The following RAPGEF6 variants were observed in gnomAD, a reference collection of about 807,000 sequenced individuals.
The protein encoded by RAPGEF6 is Rap guanine nucleotide exchange factor 6.
RAPGEF6 carries 56 observed loss-of-function variants against 171.4 expected under a neutral mutation model. That is an observed-to-expected ratio of 0.33 (90% CI 0.26 to 0.41). The LOEUF (loss-of-function observed/expected upper bound fraction) is 0.41. RAPGEF6 is among the 10% of genes least tolerant of loss of function. The pLI, the probability that RAPGEF6 is intolerant of heterozygous loss-of-function variation, is 1.00. For synonymous variants in RAPGEF6, 692 were observed against 650.1 expected (o/e 1.06, Z -0.98); for missense variants, 1,674 against 1,921.4 (o/e 0.87, Z 2.41).
intron 4 of RAPGEF6, among the ~76,000 whole-genome samples, chr5:131,578,565 C>G (rs2149988434): frequency 6.6e-6 from 1 of 152,260 alleles, no homozygotes; most frequent in South Asian, 2.1e-4. Flanking sequence ...CTCCTTATGT[C>G]AATTCCATCC....
chr5:131,606,054 GA>G (rs796464249), intron 1 of RAPGEF6, among the ~76,000 whole-genome samples: 96 of 119,652 alleles, frequency 8.0e-4, no homozygotes, highest in African/African-American at 3.4e-3. Flanking sequence ...AAAAAAAAAA[GA>G]AAAAGAAAAG....
Position 131,431,304 on chromosome 5 carries a change from T to G in RAPGEF6, c.4020A>C (p.Ser1340=), listed in dbSNP as rs368658865. 6.2e-7 allele frequency: 1 copy of G among 1,612,952 alleles called. No homozygotes were observed. The highest frequency in any genetic ancestry group is 8.5e-7 in the Non-Finnish European group (1 of 1,178,908). ...AAATCTCTTCATTGCTCACAGACGA[T>G]GAGACAGCTAAACACTTGATTAGAG... ...KPSLIKCLAV[S]SSVSNEEISQ... The change falls in exon 26 of 28, where the codon TCA becomes TCC. Residue 1340 remains serine (S), a synonymous_variant. Transcript: ENST00000509018.
At chr5:131,582,327 G>A (rs922936261) in intron 4 of RAPGEF6, among the ~76,000 whole-genome samples, 1 of 152,182 alleles carries the variant, frequency 6.6e-6, no homozygotes, top group Non-Finnish European at 1.5e-5. Flanking sequence ...AAGGTGCAAA[G>A]GCAATCCAGA....
intron 4 of RAPGEF6, among the ~76,000 whole-genome samples, chr5:131,580,028 C>T (rs957219407): frequency 2.6e-5 from 4 of 152,238 alleles, no homozygotes; most frequent in African/African-American, 4.8e-5. Flanking sequence ...TCCCAAGCTG[C>T]GCGCCTGCAC....
At chr5:131,475,490 T>C (rs1755035061) in intron 16 of RAPGEF6, among the ~76,000 whole-genome samples, 1 of 152,156 alleles carries the variant, frequency 6.6e-6, no homozygotes, top group Admixed American at 6.5e-5. Context: ...AAAAATACGT[T>C]GACAAGAAAT....
At chr5:131,495,809 C>A in intron 12 of RAPGEF6, 149 bp from the exon 13 acceptor site, 1 of 1,249,788 alleles carries the variant, frequency 8.0e-7, no homozygotes, top group Non-Finnish European at 1.1e-6. Context: ...AACAGAAAGG[C>A]ATGGTTTAAT....
rs755864521 is a variant in RAPGEF6 at position 131,431,314 on chromosome 5, A to G, written c.4010T>C (p.Leu1337Ser). The part of the protein sequence containing the change: ...TLLKPSLIKC[L>S]AVSSSVSNEE... ...ATTGCTCACAGACGATGAGACAGCTAAACACTTGATTAGAGATGGCTTCAA... is the reference window on the plus strand; with the variant it reads ...ATTGCTCACAGACGATGAGACAGCTGAACACTTGATTAGAGATGGCTTCAA... Residue 1337 changes from leucine to serine, a missense_variant, in exon 26 of 28, where the codon TTA (leucine) becomes TCA (serine). Transcript: ENST00000509018. 1.2e-6 allele frequency: 2 copies of G among 1,610,730 alleles called. No homozygotes were observed. Among genetic ancestry groups the G allele is most frequent in the Non-Finnish European group, 1.7e-6 (2 of 1,177,168 alleles).
chr5:131,574,837 C>T (rs369308378), intron 4 of RAPGEF6, among the ~76,000 whole-genome samples: 10 of 152,210 alleles, frequency 6.6e-5, no homozygotes, highest in African/African-American at 2.2e-4. Flanking sequence ...CCTAATCACC[C>T]TTACCCCGCT....
At position 131,428,992 on chromosome 5, in the gene RAPGEF6, A is replaced by G; in HGVS notation, c.4690T>C (p.Ser1564Pro). The G allele has an allele frequency of 6.2e-7, 1 of 1,614,214 alleles. No individual in the cohort carries two copies. The highest frequency in any genetic ancestry group is 8.5e-7 in the Non-Finnish European group (1 of 1,180,020). ...LSSNLVACVP[S>P]KIVTQPQRHN... ...CTCTGAGGCTGAGTTACAATCTTCG[A>G]TGGAACACAGGCCACGAGGTTGCTA... The change falls in exon 27 of 28, where the codon TCG (serine) becomes CCG (proline). Residue 1564 changes from serine (S) to proline (P), a missense_variant. Ser to Pro is a moderately conservative substitution (Grantham distance 74, BLOSUM62 -1). This residue lies in a region of RAPGEF6 where 552 missense variants were observed against 574.2 expected (regional missense o/e 0.96). Coordinates refer to ENST00000509018, the MANE Select transcript of RAPGEF6 (RefSeq NM_016340.6).
At chr5:131,511,415 G>C (rs1463178475) in intron 7 of RAPGEF6, 2 of 150,282 alleles carry the variant, frequency 1.3e-5, no homozygotes, top group Non-Finnish European at 3.0e-5. Flanking sequence ...GAAGACTACA[G>C]AATCTTAATT....
At chr5:131,476,570 C>G (rs1441285556) in intron 16 of RAPGEF6, among the ~76,000 whole-genome samples, 5 of 152,202 alleles carry the variant, frequency 3.3e-5, no homozygotes, top group Admixed American at 3.3e-4. Context: ...AAGTGATTCT[C>G]CTGCCTCAGC....
intron 7 of RAPGEF6, among the ~76,000 whole-genome samples, chr5:131,513,772 C>T (rs1757896895): frequency 1.3e-5 from 2 of 152,320 alleles, no homozygotes; most frequent in South Asian, 4.1e-4. Context: ...CTTTGGGAGG[C>T]TGAGGCATGC....
At chr5:131,578,649 C>T (rs1328447059) in intron 4 of RAPGEF6, among the ~76,000 whole-genome samples, 1 of 152,168 alleles carries the variant, frequency 6.6e-6, no homozygotes, top group Non-Finnish European at 1.5e-5. Context: ...CCAACAACAG[C>T]TTACTGGAAT....
chr5:131,481,440 G>A (rs1332606379), intron 15 of RAPGEF6, among the ~76,000 whole-genome samples: 1 of 151,714 alleles, frequency 6.6e-6, no homozygotes, highest in African/African-American at 2.4e-5. Context: ...TGTTGCCCAG[G>A]AATGACCTCG....
At chr5:131,526,486 G>A (rs568083724) in intron 6 of RAPGEF6, among the ~76,000 whole-genome samples, 3 of 152,206 alleles carry the variant, frequency 2.0e-5, no homozygotes, top group Non-Finnish European at 4.4e-5. Context: ...GACTAAATCC[G>A]TTACTCTTTC....
Position 131,461,634 on chromosome 5 carries a change from C to A in RAPGEF6, c.2864+71G>T. On this transcript the variant is annotated intron_variant, in intron 19 of 27. Coordinates refer to ENST00000509018, the MANE Select transcript of RAPGEF6 (RefSeq NM_016340.6). ...CATTTCTTTTCATAGGCATTGAATA[C>A]CTAAGTAGAAAATCAGCTGCATGTA... 3 of 1,403,364 alleles carry A rather than the reference C, an allele frequency of 2.1e-6. No individual in the cohort carries two copies. The South Asian group carries it at 4.4e-5, about 20-fold the overall frequency. 86.9% of individuals were successfully genotyped at this position (1,403,364 alleles called of 1,614,324 possible). A position where few individuals can be genotyped will look rare whatever the true frequency, so the allele number is the denominator to read the frequency against.
At chr5:131,629,441 A>G (rs1766155226) in intron 1 of RAPGEF6, among the ~76,000 whole-genome samples, 1 of 152,092 alleles carries the variant, frequency 6.6e-6, no homozygotes, top group South Asian at 2.1e-4. Flanking sequence ...GAAGGAAGCA[A>G]CTGCATGTGT....
chr5:131,470,923 A>G (rs543877402), intron 17 of RAPGEF6, among the ~76,000 whole-genome samples: 14 of 152,346 alleles, frequency 9.2e-5, no homozygotes, highest in Admixed American at 2.0e-4. Flanking sequence ...GGAGAGAATG[A>G]CAGAACAAGA....
In RAPGEF6 at chr5:131,426,489, G is replaced by C. The variant is rs1284871854; in HGVS notation, c.*777C>G. The C allele has an allele frequency of 6.6e-6, 1 of 152,302 alleles. No homozygotes were observed. The highest frequency in any genetic ancestry group is 1.5e-5 in the Non-Finnish European group (1 of 68,052). 9.4% of individuals were successfully genotyped at this position (152,302 alleles called of 1,614,324 possible). A position where few individuals can be genotyped will look rare whatever the true frequency, so the allele number is the denominator to read the frequency against. On this transcript the variant is annotated 3_prime_UTR_variant, in exon 28 of 28. Transcript: ENST00000509018. The stretch of plus-strand genomic sequence containing the variant: ...TCATTTAACATCAAAATTTCATTCT[G>C]TGGAAATTAGGGTTCCCACCCTCCT...
Sources: gnomAD v4.1 joint callset for allele counts (sites outside exome capture counted in the v4.1 genomes callset) on GRCh38, gnomAD v4.1.1 for gene constraint, gnomAD v4.1.1 regional missense constraint, MANE v1.5 for transcripts, NCBI Gene and HGNC (gene_info 2026-07-23, HGNC 2026-07-21) for gene names.